The following GPC6 variants were observed in gnomAD, a reference collection of about 807,000 sequenced individuals.
GPC6 encodes glypican-6.
GPC6 carries 14 observed loss-of-function variants against 55.2 expected under a neutral mutation model. That is an observed-to-expected ratio of 0.25 (90% confidence interval 0.17 to 0.40). The LOEUF (loss-of-function observed/expected upper bound fraction) is 0.40. GPC6 is among the 10% of genes least tolerant of loss of function. GPC6 has a pLI of 1.00. For synonymous variants in GPC6, 278 were observed against 259.6 expected (o/e 1.07, Z -0.68); for missense variants, 641 against 708.5 (o/e 0.90, Z 1.08).
rs187375594 is a variant in GPC6, at chr13:93,288,570, T to C, written c.160+60954T>C. On this transcript the variant is annotated intron_variant, in intron 1 of 8. Coordinates refer to ENST00000377047, the MANE Select transcript of GPC6 (RefSeq NM_005708.5). Reference sequence around the variant, plus strand: ...AGGATTTGTGATATTTAGATGTATGTAAGATGAAACTTTTCTCCAATTTTT... The same window carrying C: ...AGGATTTGTGATATTTAGATGTATGCAAGATGAAACTTTTCTCCAATTTTT... Among the ~76,000 whole-genome samples the C allele has an allele frequency of 3.3e-3, 507 of 152,298 alleles. 2 individuals are homozygous for C. The highest frequency in any genetic ancestry group is 0.012 in the African/African-American group (491 of 41,566).
chr13:93,878,876 G>A (rs900422574), intron 3 of GPC6, among the ~76,000 whole-genome samples: 1 of 152,018 alleles, frequency 6.6e-6, no homozygotes, highest in Non-Finnish European at 1.5e-5. Context: ...AGCACAAATC[G>A]ACCAAGAGAG....
intron 4 of GPC6, among the ~76,000 whole-genome samples, chr13:94,122,230 T>G (rs1327884821): frequency 2.6e-5 from 4 of 152,092 alleles, no homozygotes; most frequent in African/African-American, 9.7e-5. Context: ...TGGAAACTAC[T>G]GTGTGCCATG....
At chr13:94,197,757 A>G (rs1341630317) in intron 4 of GPC6, among the ~76,000 whole-genome samples, 1 of 152,232 alleles carries the variant, frequency 6.6e-6, no homozygotes, top group African/African-American at 2.4e-5. Flanking sequence ...TATTTTGGCA[A>G]CTTACTATTA....
At chr13:93,561,212 C>T (rs1402987265) in intron 2 of GPC6, among the ~76,000 whole-genome samples, 2 of 151,862 alleles carry the variant, frequency 1.3e-5, no homozygotes, top group Non-Finnish European at 2.9e-5. Context: ...CAGTGAAGAA[C>T]TCTTTCCTTT....
chr13:93,944,128 A>G lies in GPC6; in HGVS notation c.712-83601A>G, dbSNP rs1878870348. On this transcript the variant is annotated intron_variant, in intron 3 of 8. Coordinates refer to ENST00000377047, the MANE Select transcript of GPC6 (RefSeq NM_005708.5). The stretch of plus-strand genomic sequence containing the variant: ...ACAAAAGACTTCTATAATTGCAGTC[A>G]AGTCTATATAAGCTGAAACAAATTC... Among the ~76,000 whole-genome samples the G allele has an allele frequency of 2.6e-5, 4 of 152,094 alleles. No individual in the cohort carries two copies. The South Asian group carries it at 6.2e-4, about 24-fold the overall frequency.
At chr13:93,785,113 G>A (rs911449408) in intron 2 of GPC6, among the ~76,000 whole-genome samples, 2 of 152,060 alleles carry the variant, frequency 1.3e-5, no homozygotes, top group Admixed American at 1.3e-4. Context: ...AAGAAAAAGG[G>A]CACATTTCAC....
chr13:93,831,806 C>A (rs989707055), intron 3 of GPC6, among the ~76,000 whole-genome samples: 3 of 151,558 alleles, frequency 2.0e-5, no homozygotes, highest in Admixed American at 1.3e-4. Flanking sequence ...AAAATAATAT[C>A]TTTGCCGGGC....
intron 6 of GPC6, among the ~76,000 whole-genome samples, chr13:94,314,465 C>T (rs1876416224): frequency 6.6e-6 from 1 of 152,160 alleles, no homozygotes; most frequent in South Asian, 2.1e-4. Flanking sequence ...TGCAAAAGTC[C>T]ATCTGCGCAC....
At chr13:94,025,364 A>G in intron 3 of GPC6, 1 of 152,124 alleles carries the variant, frequency 6.6e-6, no homozygotes, top group Admixed American at 6.6e-5. Context: ...AAGAATTTTA[A>G]ATTTCACATT....
chr13:94,128,208 T>G (rs138738667), intron 4 of GPC6, among the ~76,000 whole-genome samples: 1 of 152,274 alleles, frequency 6.6e-6, no homozygotes, highest in East Asian at 1.9e-4. Context: ...CCAGTAACAC[T>G]CATCATCTTT....
intron 4 of GPC6, among the ~76,000 whole-genome samples, chr13:94,155,934 C>T (rs1279372758): frequency 1.3e-5 from 2 of 152,106 alleles, no homozygotes; most frequent in Non-Finnish European, 2.9e-5. Context: ...AGAACACACT[C>T]CACATTCACT....
intron 2 of GPC6, among the ~76,000 whole-genome samples, chr13:93,745,019 C>T (rs900123790): frequency 1.3e-5 from 2 of 152,028 alleles, no homozygotes; most frequent in Non-Finnish European, 2.9e-5. Flanking sequence ...GGGAACATAG[C>T]TCATTTCCAA....
At chr13:93,908,861 A>G (rs1310685466) in intron 3 of GPC6, among the ~76,000 whole-genome samples, 2 of 152,134 alleles carry the variant, frequency 1.3e-5, no homozygotes, top group Non-Finnish European at 2.9e-5. Context: ...TAGCTGGCTG[A>G]TTCCATCTTG....
chr13:93,827,059 T>G (rs1364068611), intron 2 of GPC6, among the ~76,000 whole-genome samples: 7 of 152,192 alleles, frequency 4.6e-5, no homozygotes, highest in Admixed American at 4.6e-4. Flanking sequence ...GCAACCAACT[T>G]TGATGTATAT....
intron 2 of GPC6, among the ~76,000 whole-genome samples, chr13:93,720,417 C>A (rs1008000178): frequency 5.3e-5 from 8 of 151,906 alleles, no homozygotes; most frequent in African/African-American, 1.9e-4. Flanking sequence ...GATGATATCC[C>A]CTTTATCAGT....
chr13:93,789,509 C>CTCTCTCTCTCTCTCTA (rs1363454667), intron 2 of GPC6, among the ~76,000 whole-genome samples: 1 of 93,482 alleles, frequency 1.1e-5, no homozygotes, highest in African/African-American at 4.2e-5. Flanking sequence ...CTCTCTCTCT[C>CTCTCTCTCTCTCTCTA]TATATATATA....
intron 2 of GPC6, among the ~76,000 whole-genome samples, chr13:93,554,032 C>G (rs1875317827): frequency 6.6e-6 from 1 of 150,768 alleles, no homozygotes; most frequent in Non-Finnish European, 1.5e-5. Flanking sequence ...CCTGTAATCC[C>G]AGCTACTCAG....
chr13:93,723,922 C>A (rs766179483), intron 2 of GPC6, among the ~76,000 whole-genome samples: 2 of 151,828 alleles, frequency 1.3e-5, no homozygotes, highest in African/African-American at 2.4e-5. Context: ...TCGGATCAAC[C>A]TTGTTAAGGT....
intron 1 of GPC6, among the ~76,000 whole-genome samples, chr13:93,310,004 G>A (rs1879010563): frequency 6.6e-6 from 1 of 152,298 alleles, no homozygotes; most frequent in Non-Finnish European, 1.5e-5. Flanking sequence ...GAATGAACTA[G>A]TTGTGAAAGT....
Sources: allele counts gnomAD v4.1 joint callset (sites outside exome capture counted in the v4.1 genomes callset), GRCh38; gene constraint gnomAD v4.1.1; transcripts MANE v1.5; gene names NCBI Gene and HGNC (gene_info 2026-07-23, HGNC 2026-07-21).